Variants in PECAM1 observed in about 807,000 individuals in gnomAD.
PECAM1 encodes platelet and endothelial cell adhesion molecule 1, also known as platelet endothelial cell adhesion molecule.
PECAM1 carries 8 observed loss-of-function variants against 13.8 expected under a neutral mutation model. The observed-to-expected ratio is 0.58, with a 90% CI of 0.34 to 1.05. PECAM1 has a LOEUF of 1.05. Among genes scored for constraint, PECAM1 ranks in the 50% least tolerant of loss-of-function variants. The pLI, the probability that PECAM1 is intolerant of heterozygous loss-of-function variation, is 0.03. For missense variants in PECAM1, 304 were observed against 141.2 expected (o/e 2.15, Z -5.84); for synonymous variants, 136 against 52.6 (o/e 2.58, Z -6.86).
chr17:64,352,523 TC>T (rs2035749073), intron 10 of PECAM1, 60 bp from the exon 11 acceptor site: 1 of 419,424 alleles, frequency 2.4e-6, no homozygotes, highest in South Asian at 1.2e-4. Flanking sequence ...TTGTTATTGT[TC>T]TAACCCCAAA....
chr17:64,380,204 T>C (rs1472459541), intron 2 of PECAM1, among the ~76,000 whole-genome samples: 5 of 151,896 alleles, frequency 3.3e-5, no homozygotes, highest in African/African-American at 1.2e-4. Context: ...GGTACATGCC[T>C]GTAATCCCAG....
At position 64,369,888 on chromosome 17, in the gene PECAM1, C is replaced by T. The variant is rs2036202655; in HGVS notation, c.829G>A (p.Ala277Thr). 2.5e-6 allele frequency: 1 copy of T among 398,512 alleles called. No individual in the cohort carries two copies. Among genetic ancestry groups the T allele is most frequent in the Non-Finnish European group, 4.4e-6 (1 of 226,122 alleles). 24.7% of individuals were successfully genotyped at this position (398,512 alleles called of 1,614,324 possible). ...FPEIIIQKDK[A>T]IVAHNRHGNK... ...CCATGTCTGTTGTGGGCCACAATCG[C>T]CTTGTCCTTCTGAATTATGATTTCT... Residue 277 changes from alanine (A) to threonine (T), a missense_variant, in exon 5 of 16, where the codon GCG becomes ACG. Coordinates refer to ENST00000563924, the MANE Select transcript of PECAM1 (RefSeq NM_000442.5).
chr17:64,350,639 CTTTCTTT>C (rs1598019947), intron 11 of PECAM1, among the ~76,000 whole-genome samples: 7 of 143,430 alleles, frequency 4.9e-5, no homozygotes, highest in Non-Finnish European at 7.7e-5. Flanking sequence ...TTTTTTCTTT[CTTTCTTT>C]TTTTTTTTTT....
intron 7 of PECAM1, among the ~76,000 whole-genome samples, chr17:64,357,515 G>A (rs2035872516): frequency 6.6e-6 from 1 of 152,156 alleles, no homozygotes; most frequent in South Asian, 2.1e-4. Context: ...CTTCTAGTGT[G>A]AGAGCAGATG....
chr17:64,374,979 G>A (rs1400284022), intron 4 of PECAM1, 72 bp downstream of exon 4: 8 of 440,854 alleles, frequency 1.8e-5, no homozygotes, highest in African/African-American at 1.6e-4. Flanking sequence ...CCCCTTCCCA[G>A]TTCTGGGTTC....
intron 3 of PECAM1, among the ~76,000 whole-genome samples, chr17:64,377,254 G>A (rs2036380545): frequency 1.3e-5 from 2 of 152,190 alleles, no homozygotes; most frequent in Admixed American, 6.5e-5. Context: ...GAGCATCAGA[G>A]CTGTACTGAC....
At chr17:64,372,949 A>G (rs911765865) in intron 4 of PECAM1, among the ~76,000 whole-genome samples, 40 of 150,860 alleles carry the variant, frequency 2.7e-4, no homozygotes, top group African/African-American at 9.4e-4. Flanking sequence ...ACCCCATCTC[A>G]ACTAAAAATA....
intron 2 of PECAM1, among the ~76,000 whole-genome samples, chr17:64,388,811 C>T (rs1568044551): frequency 6.6e-6 from 1 of 152,106 alleles, no homozygotes; most frequent in Non-Finnish European, 1.5e-5. Flanking sequence ...GGATTACAGG[C>T]ATGTGCCACC....
At chr17:64,346,462 C>A (rs1441803413) in intron 13 of PECAM1, among the ~76,000 whole-genome samples, 2 of 152,112 alleles carry the variant, frequency 1.3e-5, no homozygotes, top group Non-Finnish European at 2.9e-5. Context: ...TCAGCCTCCC[C>A]AGTAGATGGA....
At chr17:64,360,657 A>T (rs1157111944) in intron 6 of PECAM1, among the ~76,000 whole-genome samples, 1 of 148,378 alleles carries the variant, frequency 6.7e-6, no homozygotes, top group Non-Finnish European at 1.5e-5. Flanking sequence ...AATAAGCAAA[A>T]CAGAGAATGA....
At chr17:64,378,497 C>T (rs1182583229) in intron 2 of PECAM1, among the ~76,000 whole-genome samples, 1 of 152,056 alleles carries the variant, frequency 6.6e-6, no homozygotes, top group Non-Finnish European at 1.5e-5. Flanking sequence ...CAAAAATTAG[C>T]CAGGTTTGGT....
At chr17:64,325,248 C>T (rs1221285392) in intron 15 of PECAM1, among the ~76,000 whole-genome samples, 2 of 151,990 alleles carry the variant, frequency 1.3e-5, no homozygotes, top group East Asian at 1.9e-4. Context: ...ATTAGCCGGG[C>T]GTGGTGGCGT....
intron 5 of PECAM1, among the ~76,000 whole-genome samples, chr17:64,363,621 C>A (rs1166473654): frequency 6.6e-6 from 1 of 152,064 alleles, no homozygotes; most frequent in Non-Finnish European, 1.5e-5. Context: ...CTTGTTAATC[C>A]AATTTATTTC....
rs782168253 is a variant in PECAM1 at position 64,329,702 on chromosome 17, A to G, written c.2185T>C (p.Ser729Pro). Residue 729 changes from serine to proline, a missense_variant and splice_region_variant, in exon 15 of 16, where the codon TCT becomes CCT. Coordinates refer to ENST00000563924, the MANE Select transcript of PECAM1 (RefSeq NM_000442.5). Reference protein sequence around the residue: ...AVPDAVESRYSRTEGSLDGT With the variant: ...AVPDAVESRYPRTEGSLDGT ...ATGTATATGAAATGTGTACTTACAG[A>G]GTATCTGCTTTCCACGGCATCTACA... 1 of 768,134 alleles carries G rather than the reference A, an allele frequency of 1.3e-6. No individual in the cohort carries two copies. Among genetic ancestry groups the G allele is most frequent in the Admixed American group, 1.8e-5 (1 of 56,992 alleles). The allele number at this position is 768,134 out of a possible 1,614,324, so 47.6% of individuals were successfully genotyped here.
intron 5 of PECAM1, among the ~76,000 whole-genome samples, chr17:64,369,077 C>T (rs939403795): frequency 8.6e-5 from 13 of 150,834 alleles, no homozygotes; most frequent in African/African-American, 2.9e-4. Context: ...GGTGAGATTA[C>T]AGGCATGCTG....
At chr17:64,360,484 C>A in intron 6 of PECAM1, 69 bp from the exon 7 acceptor site, 1 of 453,460 alleles carries the variant, frequency 2.2e-6, no homozygotes, top group South Asian at 8.2e-5. Flanking sequence ...ACAAGAGGTT[C>A]CTCCTCCAAA....
At chr17:64,336,443 CAG>C (rs1386922851) in intron 14 of PECAM1, among the ~76,000 whole-genome samples, 13 of 152,022 alleles carry the variant, frequency 8.6e-5, no homozygotes, top group South Asian at 4.1e-4. Flanking sequence ...TCCCCCCAGG[CAG>C]AGAGGAGGGA....
chr17:64,368,756 G>A (rs1190523611), intron 5 of PECAM1, among the ~76,000 whole-genome samples: 16 of 151,370 alleles, frequency 1.1e-4, no homozygotes, highest in Non-Finnish European at 1.9e-4. Context: ...GGGAGGCTGA[G>A]GCAGGAGAAT....
chr17:64,387,938 G>C (rs2143921925), intron 2 of PECAM1, among the ~76,000 whole-genome samples: 1 of 152,294 alleles, frequency 6.6e-6, no homozygotes, highest in African/African-American at 2.4e-5. Flanking sequence ...TGGCCTAGGG[G>C]GCCTAAGGAA....
Sources: gnomAD v4.1 joint callset for allele counts (sites outside exome capture counted in the v4.1 genomes callset) on GRCh38, gnomAD v4.1.1 for gene constraint, MANE v1.5 for transcripts, NCBI Gene and HGNC (gene_info 2026-07-23, HGNC 2026-07-21) for gene names.